The following MTMR2 variants were observed in gnomAD, a reference collection of about 807,000 sequenced individuals.
MTMR2 encodes phosphatidylinositol-3,5-bisphosphate 3-phosphatase MTMR2.
Under a neutral mutation model 86.9 loss-of-function variants are expected in MTMR2, and 55 were observed. The ratio of observed to expected loss-of-function variants is 0.63; its 90% CI spans 0.51 to 0.79. MTMR2 has a LOEUF of 0.79. Ranked by LOEUF, MTMR2 falls within the 30% of genes least tolerant of loss-of-function variation. The pLI, the probability that MTMR2 is intolerant of heterozygous loss-of-function variation, is 0.00. For missense variants in MTMR2, 659 were observed against 772.3 expected (o/e 0.85, Z 1.74); for synonymous variants, 241 against 266.8 (o/e 0.90, Z 0.94).
chr11:95,900,460 A>T (rs534973), intron 1 of MTMR2, among the ~76,000 whole-genome samples: 86,794 of 152,086 alleles, frequency 0.57, 26,685 homozygotes, highest in African/African-American at 0.81. Flanking sequence ...TAATAAAATG[A>T]TAAATTAATT....
chr11:95,863,577 T>A (rs1460118154), intron 3 of MTMR2, among the ~76,000 whole-genome samples: 1 of 152,126 alleles, frequency 6.6e-6, no homozygotes, highest in Non-Finnish European at 1.5e-5. Context: ...CCTTATGAAT[T>A]TTTACCTCAA....
At chr11:95,853,247 CTCCCTTA>C (rs1565353646) in intron 7 of MTMR2, among the ~76,000 whole-genome samples, 1 of 151,790 alleles carries the variant, frequency 6.6e-6, no homozygotes, top group African/African-American at 2.4e-5. Flanking sequence ...ACTCCTCCCC[CTCCCTTA>C]TCCCTTACAT....
In MTMR2 at chr11:95,845,642, T is replaced by G. The variant is rs548143922; in HGVS notation, c.1180-483A>C. ...TTATTGTATTGTTTTGACTAAAGAT[T>G]TTTATGTCACAGAGCATACAGCAAG... On this transcript the variant is annotated intron_variant, in intron 10 of 14. Transcript: ENST00000346299. Among the ~76,000 whole-genome samples, 30 of 152,224 alleles carry G rather than the reference T, an allele frequency of 2.0e-4. No homozygotes were observed. The South Asian group carries it at 6.2e-3, about 32-fold the overall frequency.
In MTMR2 at chr11:95,833,381, A is replaced by G. The variant is rs976659546; in HGVS notation, c.*1909T>C. 1 of 152,158 alleles carries G rather than the reference A, an allele frequency of 6.6e-6. No individual in the cohort carries two copies. Among genetic ancestry groups the G allele is most frequent in the Admixed American group, 6.6e-5 (1 of 15,244 alleles). The allele number at this position is 152,158 out of a possible 1,614,324, so 9.4% of individuals were successfully genotyped here. ...AAAGTTATGAAACATGTAACTGTCA[A>G]TTCAAATATTTAAAAGTTTTGCTTG... is the stretch of plus-strand genomic sequence containing the variant. On this transcript the variant is annotated 3_prime_UTR_variant, in exon 15 of 15. Coordinates refer to ENST00000346299, the MANE Select transcript of MTMR2 (RefSeq NM_016156.6).
chr11:95,923,697 T>C, intron 1 of MTMR2, 178 bp downstream of exon 1: 1 of 1,433,646 alleles, frequency 7.0e-7, no homozygotes, highest in Non-Finnish European at 9.1e-7. Flanking sequence ...TTAACCTCCT[T>C]TTCCTCAGCC....
At position 95,878,770 on chromosome 11, in the gene MTMR2, G is replaced by A. The variant is rs1024058836; in HGVS notation, c.186+9386C>T. Among the ~76,000 whole-genome samples, 4 of 152,038 alleles carry A rather than the reference G, an allele frequency of 2.6e-5. No homozygotes were observed. The East Asian group carries it at 7.7e-4, about 29-fold the overall frequency. On this transcript the variant is annotated intron_variant, in intron 2 of 14. Transcript: ENST00000346299. ...GTCCTTCTGAGCTATACTTCAGACA[G>A]TCCTTTCCAATAAATGATGGTTCAT...
At chr11:95,898,130 T>C (rs778098839) in intron 1 of MTMR2, among the ~76,000 whole-genome samples, 28 of 152,122 alleles carry the variant, frequency 1.8e-4, no homozygotes, top group Non-Finnish European at 3.4e-4. Context: ...TCCATTCTTA[T>C]GTGTCTATCA....
rs928252045 is a variant in MTMR2, at chr11:95,905,331, G to GCGCGCGCGCGCGCACA, written c.81-17071_81-17070insTGTGCGCGCGCGCGCG. 8.5e-3 allele frequency among the ~76,000 whole-genome samples: 1,265 copies of GCGCGCGCGCGCGCACA among 148,086 alleles called. 14 individuals are homozygous for GCGCGCGCGCGCGCACA. Among genetic ancestry groups the GCGCGCGCGCGCGCACA allele is most frequent in the Middle Eastern group, 0.031 (9 of 294 alleles). ...CTTACACACACACGCACGCACCTGC[G>GCGCGCGCGCGCGCACA]CACACACACACACACACACACACAC... On this transcript the variant is annotated intron_variant, in intron 1 of 14. Coordinates refer to ENST00000346299, the MANE Select transcript of MTMR2 (RefSeq NM_016156.6).
rs1335913048 is a variant in MTMR2, at chr11:95,834,714, A to G, written c.*576T>C. Reference sequence around the variant, plus strand: ...TAAATAATGACGGCAATAATTTTCAACTACTACCACACCGTAGTATCTTCA... The same window carrying G: ...TAAATAATGACGGCAATAATTTTCAGCTACTACCACACCGTAGTATCTTCA... On this transcript the variant is annotated 3_prime_UTR_variant, in exon 15 of 15. Transcript: ENST00000346299. 3.9e-5 allele frequency: 6 copies of G among 155,156 alleles called. No homozygotes were observed. Among genetic ancestry groups the G allele is most frequent in the African/African-American group, 9.7e-5 (4 of 41,424 alleles). 9.6% of individuals were successfully genotyped at this position (155,156 alleles called of 1,614,324 possible).
chr11:95,871,614 A>C (rs2135502750), intron 2 of MTMR2, among the ~76,000 whole-genome samples: 1 of 152,134 alleles, frequency 6.6e-6, no homozygotes, highest in South Asian at 2.1e-4. Flanking sequence ...GTTTGAGTTC[A>C]TTGTAGATTC....
intron 1 of MTMR2, among the ~76,000 whole-genome samples, chr11:95,923,163 T>C (rs1657600258): frequency 6.6e-6 from 1 of 152,214 alleles, no homozygotes; most frequent in African/African-American, 2.4e-5. Context: ...AATTCCCATC[T>C]GTTACAAGAG....
In MTMR2 at chr11:95,838,075, G is replaced by T. The variant is rs771089932; in HGVS notation, c.1593+19C>A. The T allele has an allele frequency of 2.9e-6, 4 of 1,394,652 alleles. No individual in the cohort carries two copies. Among genetic ancestry groups the T allele is most frequent in the East Asian group, 2.3e-5 (1 of 43,872 alleles). 86.4% of individuals were successfully genotyped at this position (1,394,652 alleles called of 1,614,324 possible). On this transcript the variant is annotated intron_variant, in intron 13 of 14. Transcript: ENST00000346299. The stretch of plus-strand genomic sequence containing the variant: ...ATACAGTAGAGATAGTATGGGGAAG[G>T]TCATGTTTCATATTTTACCTCTTTT...
chr11:95,865,661 T>C lies in MTMR2; in HGVS notation c.202A>G (p.Asn68Asp), dbSNP rs1351226649. The C allele has an allele frequency of 3.1e-6, 5 of 1,613,868 alleles. No individual in the cohort carries two copies. The highest frequency in any genetic ancestry group is 4.2e-6 in the Non-Finnish European group (5 of 1,179,770). ...GGTTCTTCCATTTCTGCTAACTTGTTAGACTCCCTCAGGACCTGGGGTGGG... is the reference window on the plus strand; with the variant it reads ...GGTTCTTCCATTTCTGCTAACTTGTCAGACTCCCTCAGGACCTGGGGTGGG... ...SPDLRVLRES[N>D]KLAEMEEPPL... The change falls in exon 3 of 15, where the codon AAC becomes GAC. Residue 68 changes from asparagine (N) to aspartate (D), a missense_variant. Transcript: ENST00000346299.
intron 10 of MTMR2, among the ~76,000 whole-genome samples, chr11:95,846,694 A>G (rs1863807276): frequency 6.6e-6 from 1 of 152,206 alleles, no homozygotes; most frequent in Non-Finnish European, 1.5e-5. Context: ...GAAACTGCAA[A>G]TTAAATATCT....
chr11:95,913,357 T>TA (rs1454782698), intron 1 of MTMR2, among the ~76,000 whole-genome samples: 1 of 152,170 alleles, frequency 6.6e-6, no homozygotes, highest in African/African-American at 2.4e-5. Context: ...CCTGGCCCTC[T>TA]AACATTTATT....
intron 1 of MTMR2, among the ~76,000 whole-genome samples, chr11:95,912,490 T>C (rs1439325328): frequency 1.3e-5 from 2 of 151,258 alleles, no homozygotes; most frequent in African/African-American, 2.4e-5. Flanking sequence ...TGTCTTGAAA[T>C]ATTAAAAAAA....
chr11:95,835,577 C>T (rs1204530484), intron 14 of MTMR2, 126 bp from the exon 15 acceptor site: 8 of 934,858 alleles, frequency 8.6e-6, no homozygotes, highest in Non-Finnish European at 1.4e-5. Flanking sequence ...TCCAACCCAT[C>T]AGTGAAATTA....
At chr11:95,892,108 C>T (rs971460991) in intron 1 of MTMR2, among the ~76,000 whole-genome samples, 5 of 152,142 alleles carry the variant, frequency 3.3e-5, no homozygotes, top group African/African-American at 4.8e-5. Context: ...GTATAACACA[C>T]GCTAATTTCC....
At chr11:95,906,408 T>C (rs1191658338) in intron 1 of MTMR2, among the ~76,000 whole-genome samples, 1 of 152,162 alleles carries the variant, frequency 6.6e-6, no homozygotes, top group Non-Finnish European at 1.5e-5. Flanking sequence ...AAACAAGTTC[T>C]TAGAGACCTA....
Sources: gnomAD v4.1 joint callset for allele counts (sites outside exome capture counted in the v4.1 genomes callset) on GRCh38, gnomAD v4.1.1 for gene constraint, MANE v1.5 for transcripts, NCBI Gene and HGNC (gene_info 2026-07-23, HGNC 2026-07-21) for gene names.